KIF6: variants seen among roughly 807,000 people sequenced by gnomAD.
KIF6 encodes the protein kinesin-like protein KIF6.
In KIF6, 106 loss-of-function variants were observed where a neutral mutation model predicts 112.7. That is an observed-to-expected ratio of 0.94 (90% CI 0.80 to 1.11). KIF6 has a LOEUF of 1.11. Ranked by LOEUF, KIF6 falls within the 50% of genes least tolerant of loss-of-function variation. The pLI is 0.00. For missense variants in KIF6, 929 were observed against 964.0 expected, an observed-to-expected ratio of 0.96 and a Z score of 0.48; for synonymous variants, 339 against 339.9, an observed-to-expected ratio of 1.00 and a Z score of 0.03.
intron 15 of KIF6, among the ~76,000 whole-genome samples, chr6:39,412,800 G>A (rs191009050): frequency 6.6e-6 from 1 of 152,258 alleles, no homozygotes; most frequent in Non-Finnish European, 1.5e-5. Flanking sequence ...CTGAACTGCA[G>A]CCCCCTTGCC....
At chr6:39,559,196 T>A (rs1779884516) in intron 10 of KIF6, among the ~76,000 whole-genome samples, 1 of 152,340 alleles carries the variant, frequency 6.6e-6, no homozygotes, top group Non-Finnish European at 1.5e-5. Flanking sequence ...GTTTAGGTTA[T>A]TGCTTTATAG....
rs548483804 is a variant in KIF6 at position 39,332,495 on chromosome 6, G to A, written c.*4037C>T. ...GGGCTGGCTTTTTAAGCTTTGTTAG[G>A]TGGGACCAGAGCAATCTATCATCTA... On this transcript the variant is annotated 3_prime_UTR_variant, in exon 23 of 23. Transcript: ENST00000287152. The A allele has an allele frequency of 2.6e-5, 4 of 152,304 alleles. No homozygotes were observed. Among genetic ancestry groups the A allele is most frequent in the African/African-American group, 4.8e-5 (2 of 41,550 alleles). 9.4% of individuals were successfully genotyped at this position (152,304 alleles called of 1,614,324 possible).
At chr6:39,706,667 A>T (rs1257694619) in intron 3 of KIF6, among the ~76,000 whole-genome samples, 1 of 152,260 alleles carries the variant, frequency 6.6e-6, no homozygotes, top group Non-Finnish European at 1.5e-5. Flanking sequence ...GTGCAGGTAC[A>T]TGTTTATAAA....
At chr6:39,622,161 C>G (rs1297039331) in intron 5 of KIF6, among the ~76,000 whole-genome samples, 5 of 149,118 alleles carry the variant, frequency 3.4e-5, no homozygotes, top group African/African-American at 1.3e-4. Context: ...AAGCGAAAAT[C>G]CAGCTCAAAA....
chr6:39,665,311 T>C (rs1786403977), intron 3 of KIF6, among the ~76,000 whole-genome samples: 1 of 152,194 alleles, frequency 6.6e-6, no homozygotes, highest in Non-Finnish European at 1.5e-5. Context: ...TACAATGTTT[T>C]TGCATACATG....
At chr6:39,353,751 C>T (rs575662364) in intron 19 of KIF6, 7 of 234,174 alleles carry the variant, frequency 3.0e-5, no homozygotes, top group African/African-American at 6.9e-5. Context: ...TCTGGGATGG[C>T]GGTGCTGTAG....
At chr6:39,364,590 T>C (rs887612939) in intron 16 of KIF6, among the ~76,000 whole-genome samples, 1 of 152,166 alleles carries the variant, frequency 6.6e-6, no homozygotes, top group African/African-American at 2.4e-5. Flanking sequence ...AAATTTAAGC[T>C]CTATATTTTT....
chr6:39,559,387 C>A (rs898075437), intron 10 of KIF6, among the ~76,000 whole-genome samples: 3 of 152,044 alleles, frequency 2.0e-5, no homozygotes, highest in African/African-American at 7.2e-5. Flanking sequence ...CAGGATGTTT[C>A]TCAATTCTCA....
intron 22 of KIF6, among the ~76,000 whole-genome samples, chr6:39,340,203 CT>C (rs1464124973): frequency 6.6e-6 from 1 of 152,244 alleles, no homozygotes; most frequent in Non-Finnish European, 1.5e-5. Context: ...CCCGTGGTCA[CT>C]GAAAAGCCAG....
chr6:39,598,489 C>T (rs535828398), intron 6 of KIF6, among the ~76,000 whole-genome samples: 20 of 151,572 alleles, frequency 1.3e-4, no homozygotes, highest in Non-Finnish European at 2.2e-4. Flanking sequence ...TAATATGTGG[C>T]GAAGTTCCAA....
At chr6:39,576,332 C>T (rs1780973488) in intron 10 of KIF6, among the ~76,000 whole-genome samples, 2 of 152,144 alleles carry the variant, frequency 1.3e-5, no homozygotes, top group Non-Finnish European at 1.5e-5. Context: ...CCATGTTGGT[C>T]AGGATGGCCT....
At chr6:39,354,124 A>G (rs1764462181) in intron 19 of KIF6, 1 of 349,952 alleles carries the variant, frequency 2.9e-6, no homozygotes, top group Non-Finnish European at 5.7e-6. Context: ...GCCATCTGGG[A>G]TGGAAGGCAT....
At chr6:39,648,565 A>T (rs777130930) in intron 3 of KIF6, among the ~76,000 whole-genome samples, 4 of 152,184 alleles carry the variant, frequency 2.6e-5, no homozygotes, top group Non-Finnish European at 5.9e-5. Context: ...GGAATGCTTA[A>T]ACTTAACTAA....
chr6:39,418,574 T>G (rs1387926395), intron 15 of KIF6, among the ~76,000 whole-genome samples: 6 of 152,172 alleles, frequency 3.9e-5, no homozygotes, highest in African/African-American at 1.4e-4. Flanking sequence ...TGACTTCCAC[T>G]GGGTTCATCA....
Position 39,613,279 on chromosome 6 carries a change from G to T in KIF6, c.549C>A (p.His183Gln), listed in dbSNP as rs777872159. ...TILEDPDQNI[H>Q]LKNLTLHQAT... is the part of the protein sequence containing the mutation. Reference sequence around the variant, plus strand: ...CCTGATGGAGAGTCAAGTTTTTCAGGTGAATGTTCTGATCAGGATCCTCCA... The same window carrying T: ...CCTGATGGAGAGTCAAGTTTTTCAGTTGAATGTTCTGATCAGGATCCTCCA... The change falls in exon 6 of 23, where the codon CAC becomes CAA. Residue 183 changes from histidine to glutamine, a missense_variant. This residue lies in a region of KIF6 where 688 missense variants were observed against 662.7 expected (regional missense o/e 1.04). Coordinates refer to ENST00000287152, the MANE Select transcript of KIF6 (RefSeq NM_145027.6). 6.2e-7 allele frequency: 1 copy of T among 1,607,868 alleles called. No individual in the cohort carries two copies. Among genetic ancestry groups the T allele is most frequent in the Non-Finnish European group, 8.5e-7 (1 of 1,177,114 alleles).
At chr6:39,529,912 A>G (rs774120031) in intron 13 of KIF6, among the ~76,000 whole-genome samples, 4 of 152,148 alleles carry the variant, frequency 2.6e-5, no homozygotes, top group Non-Finnish European at 5.9e-5. Flanking sequence ...ATCCTTTGAG[A>G]TTTAACTTTC....
chr6:39,398,875 C>T (rs1332326339), intron 15 of KIF6, among the ~76,000 whole-genome samples: 4 of 152,206 alleles, frequency 2.6e-5, no homozygotes, highest in African/African-American at 9.7e-5. Flanking sequence ...TGCTTAAACA[C>T]TAGTCTAGAG....
Position 39,409,038 on chromosome 6 carries a change from G to A in KIF6, c.1810+10910C>T, listed in dbSNP as rs9471095. Among the ~76,000 whole-genome samples, 148 of 152,174 alleles carry A rather than the reference G, an allele frequency of 9.7e-4. 2 individuals carry two copies. The highest frequency in any genetic ancestry group is 3.1e-3 in the African/African-American group (130 of 41,510). On this transcript the variant is annotated intron_variant, in intron 15 of 22. Transcript: ENST00000287152. ...CTTACTAGCAATAAAGGAATATTGC[G>A]TATGAATATGAGCAATATTCATAAG... is the stretch of plus-strand genomic sequence containing the variant.
chr6:39,392,411 A>T (rs1479467741), intron 15 of KIF6, among the ~76,000 whole-genome samples: 1 of 152,328 alleles, frequency 6.6e-6, no homozygotes, highest in Middle Eastern at 3.4e-3. Context: ...GCAGATTTGC[A>T]TAATTAATTT....
Sources: gnomAD v4.1 joint callset for allele counts (sites outside exome capture counted in the v4.1 genomes callset) on GRCh38, gnomAD v4.1.1 for gene constraint, gnomAD v4.1.1 regional missense constraint, MANE v1.5 for transcripts, NCBI Gene and HGNC (gene_info 2026-07-23, HGNC 2026-07-21) for gene names.